MTMR1: variants seen among roughly 807,000 people sequenced by gnomAD.
The protein encoded by MTMR1 is phosphatidylinositol-3-phosphate phosphatase MTMR1.
A neutral mutation model predicts 51.6 loss-of-function variants in MTMR1; 17 were observed. That is an observed-to-expected ratio of 0.33 (90% CI 0.23 to 0.49). MTMR1 has a LOEUF of 0.49. Ranked by LOEUF, MTMR1 falls within the 20% of genes least tolerant of loss-of-function variation. The pLI, the probability that MTMR1 is intolerant of heterozygous loss-of-function variation, is 0.99. For synonymous variants in MTMR1, 201 were observed against 205.6 expected (o/e 0.98, Z 0.19); for missense variants, 386 against 526.9 (o/e 0.73, Z 2.62).
intron 6 of MTMR1, among the ~76,000 whole-genome samples, chrX:150,729,218 C>CA (rs2042035443): frequency 7.0e-5 from 7 of 100,106 alleles, no homozygotes; most frequent in Non-Finnish European, 1.4e-4. Flanking sequence ...ACACACCCAC[C>CA]CACACACACA....
At chrX:150,761,002 T>C (rs782270651) in intron 15 of MTMR1, among the ~76,000 whole-genome samples, 1 of 109,171 alleles carries the variant, frequency 9.2e-6, no homozygotes, top group Admixed American at 9.7e-5. Context: ...GAAGAGATGA[T>C]AGTGGTGCGT....
intron 3 of MTMR1, chrX:150,712,828 G>A: frequency 5.4e-6 from 2 of 373,748 alleles, no homozygotes; most frequent in Non-Finnish European, 7.6e-6. Context: ...AAAAGCAGAA[G>A]TGCTAATCTT....
chrX:150,693,306 C>G (rs1183411683), upstream of MTMR1: 1 of 241,917 alleles, frequency 4.1e-6, no homozygotes, highest in Non-Finnish European at 5.8e-6. Flanking sequence ...GGGTTCCCGG[C>G]GCCGGCCCCG....
At chrX:150,760,134 AAG>A (rs1198538821) in intron 15 of MTMR1, among the ~76,000 whole-genome samples, 1 of 109,080 alleles carries the variant, frequency 9.2e-6, no homozygotes, top group Non-Finnish European at 1.9e-5. Flanking sequence ...AGAACCAAAA[AAG>A]AGTACATGGG....
intron 3 of MTMR1, 49 bp downstream of exon 3, chrX:150,712,414 T>C (rs944219036): frequency 1.1e-4 from 116 of 1,102,767 alleles, no homozygotes; most frequent in Non-Finnish European, 1.3e-4. Flanking sequence ...TGTGTGTGTC[T>C]GTGCTTTATC....
At chrX:150,722,853 TTTATTA>T (rs1212943097) in intron 4 of MTMR1, among the ~76,000 whole-genome samples, 13 of 109,271 alleles carry the variant, frequency 1.2e-4, no homozygotes, top group Non-Finnish European at 1.5e-4. Context: ...CTTTTTTTAT[TTTATTA>T]TTATTATTAT....
chrX:150,715,097 A>G (rs1442786558), intron 3 of MTMR1, among the ~76,000 whole-genome samples: 1 of 111,912 alleles, frequency 8.9e-6, no homozygotes, highest in Non-Finnish European at 1.9e-5. Flanking sequence ...AGCTCCAGGG[A>G]TGTGTGGCAT....
intron 4 of MTMR1, among the ~76,000 whole-genome samples, chrX:150,721,791 T>C (rs968230129): frequency 3.6e-5 from 4 of 111,830 alleles, no homozygotes; most frequent in Non-Finnish European, 5.6e-5. Context: ...TTTCCTTTCT[T>C]CTGCTTACTT....
At chrX:150,745,652 T>C (rs1557417446) in intron 13 of MTMR1, among the ~76,000 whole-genome samples, 1 of 111,916 alleles carries the variant, frequency 8.9e-6, no homozygotes, top group African/African-American at 3.3e-5. Context: ...GAGGAGGACC[T>C]GGAGAACTCA....
At chrX:150,698,745 A>T (rs1173471855) in intron 1 of MTMR1, among the ~76,000 whole-genome samples, 1 of 107,139 alleles carries the variant, frequency 9.3e-6, no homozygotes, top group African/African-American at 3.4e-5. Context: ...GCCTGGTGGC[A>T]TGTGCCTGTA....
At chrX:150,718,848 G>A in intron 4 of MTMR1, 148 bp downstream of exon 4, 1 of 505,423 alleles carries the variant, frequency 2.0e-6, no homozygotes. Flanking sequence ...CCTCATTAGT[G>A]TCATCATGAC....
intron 15 of MTMR1, among the ~76,000 whole-genome samples, chrX:150,758,170 C>G (rs1233766959): frequency 9.0e-6 from 1 of 111,695 alleles, no homozygotes; most frequent in Non-Finnish European, 1.9e-5. Flanking sequence ...TATTCCTTCT[C>G]CCTGTGGTGG....
rs372190631 is a variant in MTMR1 at position 150,737,359 on chromosome X, C to G, written c.1384C>G (p.Leu462Val). The change falls in exon 12 of 16, where the codon CTA becomes GTA. Residue 462 changes from leucine (L) to valine (V), a missense_variant. Coordinates refer to ENST00000445323, the MANE Select transcript of MTMR1 (RefSeq NM_001306144.3). ...AGCCCAGCTCACATCTCTGGCTATG[C>G]TAATGTTGGACAGTTACTACAGGAC... ...RTAQLTSLAM[L>V]MLDSYYRTIK... 2 of 1,211,198 alleles carry G rather than the reference C, an allele frequency of 1.7e-6. No individual in the cohort carries two copies. Among genetic ancestry groups the G allele is most frequent in the Non-Finnish European group, 2.2e-6 (2 of 895,100 alleles).
intron 13 of MTMR1, among the ~76,000 whole-genome samples, chrX:150,749,739 C>T (rs782246007): frequency 4.4e-5 from 5 of 112,473 alleles, no homozygotes; most frequent in Non-Finnish European, 7.5e-5. Flanking sequence ...CATAGATTTT[C>T]ATATGTTAAG....
intron 15 of MTMR1, among the ~76,000 whole-genome samples, chrX:150,759,936 A>G (rs923472892): frequency 9.1e-6 from 1 of 109,329 alleles, no homozygotes; most frequent in African/African-American, 3.3e-5. Flanking sequence ...GATGCCCCCG[A>G]CAGGGCCAGA....
chrX:150,750,323 C>A (rs1432722647), intron 13 of MTMR1, among the ~76,000 whole-genome samples: 1 of 112,181 alleles, frequency 8.9e-6, no homozygotes, highest in Non-Finnish European at 1.9e-5. Flanking sequence ...GAAGCTGGCA[C>A]AATAGAGGGC....
intron 12 of MTMR1, 60 bp downstream of exon 12, chrX:150,737,508 G>T: frequency 9.9e-7 from 1 of 1,011,766 alleles, no homozygotes; most frequent in Non-Finnish European, 1.4e-6. Context: ...GGATGTAAAC[G>T]TCATGTGTGA....
At chrX:150,731,827 A>G (rs1396532665) in intron 9 of MTMR1, among the ~76,000 whole-genome samples, 1 of 112,175 alleles carries the variant, frequency 8.9e-6, no homozygotes, top group Non-Finnish European at 1.9e-5. Flanking sequence ...ATTTCCTATA[A>G]CTAAGTATAA....
rs192861645 is a variant in MTMR1 at position 150,729,919 on chromosome X, T to A, written c.556-190T>A. On this transcript the variant is annotated intron_variant, in intron 6 of 15. Coordinates refer to ENST00000445323, the MANE Select transcript of MTMR1 (RefSeq NM_001306144.3). ...CTGTAATCCCAGCTACTCGGGAGGC[T>A]GAGGCAGGAGAATTGCTTGAACCAG... Among the ~76,000 whole-genome samples the A allele has an allele frequency of 8.0e-3, 891 of 111,285 alleles. 12 individuals are homozygous for A. The highest frequency in any genetic ancestry group is 0.028 in the African/African-American group (851 of 30,533).
Sources: allele counts gnomAD v4.1 joint callset (sites outside exome capture counted in the v4.1 genomes callset), GRCh38; gene constraint gnomAD v4.1.1; transcripts MANE v1.5; gene names NCBI Gene and HGNC (gene_info 2026-07-23, HGNC 2026-07-21).